Variants in RANBP3L observed in about 807,000 individuals in gnomAD.
The protein encoded by RANBP3L is RAN binding protein 3 like.
A neutral mutation model predicts 67.2 loss-of-function variants in RANBP3L; 56 were observed. The observed-to-expected ratio is 0.83, with a 90% CI of 0.67 to 1.04. The LOEUF (loss-of-function observed/expected upper bound fraction) is 1.04. Ranked by LOEUF, RANBP3L falls within the 50% of genes least tolerant of loss-of-function variation. The pLI is 0.00. For missense variants in RANBP3L, 496 were observed against 535.5 expected (o/e 0.93, Z 0.73); for synonymous variants, 164 against 181.4 (o/e 0.90, Z 0.77).
At chr5:36,294,800 G>C (rs1752074975) in intron 1 of RANBP3L, among the ~76,000 whole-genome samples, 1 of 146,500 alleles carries the variant, frequency 6.8e-6, no homozygotes, top group South Asian at 2.1e-4. Flanking sequence ...TATATATATA[G>C]TGTATATATG....
intron 7 of RANBP3L, 60 bp downstream of exon 7, chr5:36,261,879 T>A: frequency 1.2e-6 from 1 of 824,878 alleles, no homozygotes; most frequent in Non-Finnish European, 2.0e-6. Flanking sequence ...CATGAATGGT[T>A]ATAATAATGA....
At chr5:36,292,782 C>T (rs1392833009) in intron 1 of RANBP3L, among the ~76,000 whole-genome samples, 4 of 152,112 alleles carry the variant, frequency 2.6e-5, no homozygotes, top group South Asian at 2.1e-4. Context: ...GTACCAGTAC[C>T]ATGCTGTTTT....
intron 10 of RANBP3L, 81 bp from the exon 11 acceptor site, chr5:36,255,671 TA>T: frequency 1.1e-6 from 1 of 896,572 alleles, no homozygotes; most frequent in Non-Finnish European, 1.7e-6. Context: ...GACACGTTTA[TA>T]TGTGTCTAGT....
intron 1 of RANBP3L, among the ~76,000 whole-genome samples, chr5:36,279,963 G>T (rs1213659468): frequency 6.6e-6 from 1 of 151,996 alleles, no homozygotes; most frequent in Admixed American, 6.6e-5. Flanking sequence ...CATTTCACAA[G>T]AAGAAATTGG....
intron 1 of RANBP3L, among the ~76,000 whole-genome samples, chr5:36,289,818 C>CAAA (rs201149088): frequency 5.0e-5 from 7 of 140,956 alleles, no homozygotes; most frequent in Admixed American, 4.3e-4. Flanking sequence ...CAATCATCTG[C>CAAA]AAAAAAAAAA....
At chr5:36,263,649 G>A (rs559190546) in intron 6 of RANBP3L, among the ~76,000 whole-genome samples, 69 of 152,040 alleles carry the variant, frequency 4.5e-4, no homozygotes, top group Non-Finnish European at 8.8e-4. Flanking sequence ...TCCACTTCCC[G>A]GGTTCAAGCT....
intron 1 of RANBP3L, among the ~76,000 whole-genome samples, chr5:36,293,192 G>C (rs574014473): frequency 2.8e-5 from 2 of 71,684 alleles, no homozygotes; most frequent in Non-Finnish European, 3.0e-5. Flanking sequence ...TCATGATTTG[G>C]CTCTCTGTTT....
Position 36,249,682 on chromosome 5 carries a change from G to A in RANBP3L, c.1370C>T (p.Thr457Ile), listed in dbSNP as rs1472643881. ...TKNGSDPSSW[T>I]HRQSVACS The stretch of plus-strand genomic sequence containing the variant: ...TGAACAGGCAACCGACTGTCTGTGA[G>A]TCCAACTAGAAGGATCTGTGATATA... Residue 457 changes from threonine (T) to isoleucine (I), a missense_variant, in exon 14 of 14, where the codon ACT becomes ATT. Coordinates refer to ENST00000296604, the MANE Select transcript of RANBP3L (RefSeq NM_145000.5). The A allele has an allele frequency of 4.5e-6, 7 of 1,554,910 alleles. No individual in the cohort carries two copies. The highest frequency in any genetic ancestry group is 6.2e-6 in the Non-Finnish European group (7 of 1,137,284).
chr5:36,283,433 A>G (rs1751114670), intron 1 of RANBP3L, among the ~76,000 whole-genome samples: 2 of 151,690 alleles, frequency 1.3e-5, no homozygotes, highest in South Asian at 4.1e-4. Context: ...TTTAATCCAT[A>G]TTTGAGAATG....
chr5:36,293,981 A>T (rs1183345055), intron 1 of RANBP3L, among the ~76,000 whole-genome samples: 1 of 152,054 alleles, frequency 6.6e-6, no homozygotes, highest in Non-Finnish European at 1.5e-5. Flanking sequence ...GAATGGTACC[A>T]GTTCCTCCTT....
At chr5:36,292,850 A>G (rs1465501130) in intron 1 of RANBP3L, among the ~76,000 whole-genome samples, 2 of 152,140 alleles carry the variant, frequency 1.3e-5, no homozygotes, top group African/African-American at 4.8e-5. Context: ...CTGCAGCTTC[A>G]TTCCTTTGGC....
chr5:36,251,456 T>C lies in RANBP3L; in HGVS notation c.1211A>G (p.His404Arg). The C allele has an allele frequency of 6.2e-7, 1 of 1,612,712 alleles. No homozygotes were observed. Among genetic ancestry groups the C allele is most frequent in the Non-Finnish European group, 8.5e-7 (1 of 1,179,170 alleles). ...DTAYLYAAIHHRLVALQSFNK... is the reference protein window; with the variant it reads ...DTAYLYAAIHRRLVALQSFNK... ...GAAGCTTTGAAGTGCAACAAGACGA[T>C]GATGTATTGCTGCATACAAATATGC... Residue 404 changes from histidine to arginine, a missense_variant, in exon 13 of 14, where the codon CAT (histidine) becomes CGT (arginine). Physicochemically the swap from His to Arg is conservative, Grantham distance 29. Coordinates refer to ENST00000296604, the MANE Select transcript of RANBP3L (RefSeq NM_145000.5).
At chr5:36,295,672 T>TG (rs1355007160) in intron 1 of RANBP3L, among the ~76,000 whole-genome samples, 1 of 87,444 alleles carries the variant, frequency 1.1e-5, no homozygotes, top group East Asian at 2.5e-4. Context: ...TGTTATATCC[T>TG]GTTTTTTTTT....
intron 1 of RANBP3L, among the ~76,000 whole-genome samples, chr5:36,280,997 T>G (rs1190077110): frequency 1.3e-5 from 2 of 152,190 alleles, no homozygotes; most frequent in African/African-American, 4.8e-5. Context: ...TGGCATAATA[T>G]AAAAATTTAC....
intron 1 of RANBP3L, among the ~76,000 whole-genome samples, chr5:36,293,547 A>G (rs1275524095): frequency 1.3e-5 from 2 of 148,760 alleles, no homozygotes; most frequent in East Asian, 3.9e-4. Flanking sequence ...TTTGTCATAG[A>G]TAGCTCTTGT....
At chr5:36,293,788 C>A (rs1302021538) in intron 1 of RANBP3L, among the ~76,000 whole-genome samples, 1 of 148,970 alleles carries the variant, frequency 6.7e-6, no homozygotes, top group African/African-American at 2.5e-5. Flanking sequence ...TGATATGCTG[C>A]TGGATTCGGT....
intron 10 of RANBP3L, among the ~76,000 whole-genome samples, chr5:36,256,385 T>C (rs940364765): frequency 6.6e-6 from 1 of 152,072 alleles, no homozygotes; most frequent in Non-Finnish European, 1.5e-5. Context: ...TTCTGCCTTG[T>C]TGGGAAAGGG....
chr5:36,252,371 G>A (rs1748655678), intron 12 of RANBP3L, among the ~76,000 whole-genome samples: 1 of 151,970 alleles, frequency 6.6e-6, no homozygotes, highest in Non-Finnish European at 1.5e-5. Flanking sequence ...ATGTCATGAA[G>A]ACACTCATTA....
At position 36,275,474 on chromosome 5, in the gene RANBP3L, G is replaced by A. The variant is rs556288832; in HGVS notation, c.92-4163C>T. 3.3e-5 allele frequency among the ~76,000 whole-genome samples: 5 copies of A among 152,262 alleles called. No homozygotes were observed. In the South Asian group the frequency reaches 8.3e-4, roughly 25 times the overall value. On this transcript the variant is annotated intron_variant, in intron 1 of 13. Transcript: ENST00000296604. ...CATATTAGTCCCAAATGTATGATAT[G>A]TGACATAATCCAGCACTATGCTAAG...
Sources: gnomAD v4.1 joint callset for allele counts (sites outside exome capture counted in the v4.1 genomes callset) on GRCh38, gnomAD v4.1.1 for gene constraint, MANE v1.5 for transcripts, NCBI Gene and HGNC (gene_info 2026-07-23, HGNC 2026-07-21) for gene names.